The following ZNF84 variants were observed in gnomAD, a reference collection of about 807,000 sequenced individuals.
The protein encoded by ZNF84 is zinc finger protein 84, also known as zinc finger protein HPF2.
ZNF84 carries 12 observed loss-of-function variants against 14.8 expected under a neutral mutation model. The ratio of observed to expected loss-of-function variants is 0.81; its 90% CI spans 0.52 to 1.31. The LOEUF is 1.31. Ranked by LOEUF, ZNF84 falls within the 50% of genes most tolerant of loss-of-function variation. The pLI is 0.00. For synonymous variants in ZNF84, 347 were observed against 291.1 expected (o/e 1.19, Z -1.96); for missense variants, 859 against 878.6 (o/e 0.98, Z 0.28).
In ZNF84 at chr12:133,038,031, T is replaced by A. The variant is rs1475878360; in HGVS notation, c.-191+486T>A. Reference sequence around the variant, plus strand: ...GGTTATATTTATTGACTGTTTTAAATTTTTTAAGTGACTTTTGCTTTTGGT... The same window carrying A: ...GGTTATATTTATTGACTGTTTTAAAATTTTTAAGTGACTTTTGCTTTTGGT... On this transcript the variant is annotated intron_variant, in intron 1 of 4. Transcript: ENST00000539354. The A allele has an allele frequency of 5.9e-5, 9 of 152,362 alleles. No individual in the cohort carries two copies. The East Asian group carries it at 1.3e-3, about 23-fold the overall frequency. 9.4% of individuals were successfully genotyped at this position (152,362 alleles called of 1,614,324 possible). A position where few individuals can be genotyped will look rare whatever the true frequency, so the allele number is the denominator to read the frequency against.
Position 133,048,852 on chromosome 12 carries a change from A to T in ZNF84, c.238+4A>T, listed in dbSNP as rs372264229. On this transcript the variant is annotated splice_donor_region_variant and intron_variant, in intron 4 of 4. Transcript: ENST00000539354. ...ATTCCAAGTTCAGATTCTCCAGGTG[A>T]GTGTATGAGAACCAGGCAGATGGGA... The T allele has an allele frequency of 1.9e-6, 3 of 1,610,426 alleles. No individual in the cohort carries two copies. Among genetic ancestry groups the T allele is most frequent in the Non-Finnish European group, 8.5e-7 (1 of 1,177,352 alleles).
At chr12:133,039,609 T>C (rs2137317091) in intron 1 of ZNF84, among the ~76,000 whole-genome samples, 1 of 152,346 alleles carries the variant, frequency 6.6e-6, no homozygotes, top group South Asian at 2.1e-4. Flanking sequence ...CTTAGTATAT[T>C]GTCTCACATA....
chr12:133,060,509 C>T lies in ZNF84; in HGVS notation c.*1577C>T, dbSNP rs1954242590. ...ACCAAACATCATAGCTTAGCGTAGC[C>T]TACCTTAAACATTCTCAGAACACAT... On this transcript the variant is annotated 3_prime_UTR_variant, in exon 5 of 5. Transcript: ENST00000539354. 1 of 152,300 alleles carries T rather than the reference C, an allele frequency of 6.6e-6. No individual in the cohort carries two copies. Among genetic ancestry groups the T allele is most frequent in the Admixed American group, 6.5e-5 (1 of 15,302 alleles). 9.4% of individuals were successfully genotyped at this position (152,300 alleles called of 1,614,324 possible).
intron 2 of ZNF84, among the ~76,000 whole-genome samples, chr12:133,044,500 A>C (rs1210688639): frequency 6.6e-6 from 1 of 152,206 alleles, no homozygotes; most frequent in African/African-American, 2.4e-5. Flanking sequence ...CTAAAACTAC[A>C]TAGATCTTGC....
In ZNF84 at chr12:133,046,406, G is replaced by C. The variant is rs12810033; in HGVS notation, c.16-1549G>C. Among the ~76,000 whole-genome samples, 15 of 121,956 alleles carry C rather than the reference G, an allele frequency of 1.2e-4. 1 individual carries two copies. Among genetic ancestry groups the C allele is most frequent in the East Asian group, 2.4e-4 (1 of 4,220 alleles). 80.0% of individuals were successfully genotyped at this position (121,956 alleles called of 152,430 possible). A position where few individuals can be genotyped will look rare whatever the true frequency, so the allele number is the denominator to read the frequency against. ...TTTAAATCAGAGCTGCTGCCTCCCA[G>C]AATGTCTTTGCATCCTCTTTTTTTT... On this transcript the variant is annotated intron_variant, in intron 2 of 4. Coordinates refer to ENST00000539354, the MANE Select transcript of ZNF84 (RefSeq NM_001289971.2).
At chr12:133,041,762 G>A (rs1390115753) in intron 2 of ZNF84, among the ~76,000 whole-genome samples, 7 of 152,176 alleles carry the variant, frequency 4.6e-5, no homozygotes, top group Non-Finnish European at 1.0e-4. Context: ...TCGTAATAGA[G>A]AAATGTGAGC....
Position 133,063,048 on chromosome 12 carries a change from C to A in ZNF84, c.*4116C>A, listed in dbSNP as rs1954290765. The A allele has an allele frequency of 1.4e-6, 1 of 694,944 alleles. No homozygotes were observed. The highest frequency in any genetic ancestry group is 2.6e-6 in the Non-Finnish European group (1 of 379,760). 43.0% of individuals were successfully genotyped at this position (694,944 alleles called of 1,614,324 possible). On this transcript the variant is annotated 3_prime_UTR_variant, in exon 5 of 5. Coordinates refer to ENST00000539354, the MANE Select transcript of ZNF84 (RefSeq NM_001289971.2). ...ATCTTTTTTGTCTGTGTAATTTTTG[C>A]ATCACAAGCTATATTTAAATGTGGG...
chr12:133,044,259 C>G (rs897216300), intron 2 of ZNF84, among the ~76,000 whole-genome samples: 12 of 152,248 alleles, frequency 7.9e-5, no homozygotes, highest in African/African-American at 2.6e-4. Context: ...TGCCTCCCAC[C>G]TCAGCCTCCC....
intron 4 of ZNF84, 115 bp from the exon 5 acceptor site, chr12:133,056,839 C>T (rs1027315753): frequency 4.5e-5 from 35 of 780,816 alleles, no homozygotes; most frequent in Admixed American, 1.3e-4. Context: ...ATTTCAGACT[C>T]GGAAACTAAG....
At chr12:133,042,544 C>T (rs1953905169) in intron 2 of ZNF84, among the ~76,000 whole-genome samples, 1 of 152,176 alleles carries the variant, frequency 6.6e-6, no homozygotes, top group Middle Eastern at 3.4e-3. Flanking sequence ...AGGAAAAAAG[C>T]GTAGGCTTTA....
chr12:133,050,714 T>A, intron 4 of ZNF84: 1 of 395,192 alleles, frequency 2.5e-6, no homozygotes, highest in Non-Finnish European at 4.5e-6. Context: ...ACTGCATTCA[T>A]ATTTATGAAA....
In ZNF84 at chr12:133,063,168, C is replaced by T. The variant is rs1954293772; in HGVS notation, c.*4236C>T. ...GATGAAAGCAAAATCAAGAAAGAGT[C>T]CCGATTGTGTTCCAGTACCTGGTTC... On this transcript the variant is annotated 3_prime_UTR_variant, in exon 5 of 5. Transcript: ENST00000539354. The T allele has an allele frequency of 1.4e-6, 1 of 702,282 alleles. No homozygotes were observed. Among genetic ancestry groups the T allele is most frequent in the Non-Finnish European group, 2.6e-6 (1 of 384,818 alleles). The allele number at this position is 702,282 out of a possible 1,614,324, so 43.5% of individuals were successfully genotyped here.
rs1954288699 is a variant in ZNF84, at chr12:133,062,956, C to T, written c.*4024C>T. The T allele has an allele frequency of 1.1e-5, 7 of 619,952 alleles. No homozygotes were observed. Among genetic ancestry groups the T allele is most frequent in the East Asian group, 2.7e-5 (1 of 36,682 alleles). The allele number at this position is 619,952 out of a possible 1,614,324, so 38.4% of individuals were successfully genotyped here. Reference sequence around the variant, plus strand: ...TATATGAACCTGTACGTGTGTTTCTCACTGTGATAATATAATCATTGCATG... The same window carrying T: ...TATATGAACCTGTACGTGTGTTTCTTACTGTGATAATATAATCATTGCATG... On this transcript the variant is annotated 3_prime_UTR_variant, in exon 5 of 5. Coordinates refer to ENST00000539354, the MANE Select transcript of ZNF84 (RefSeq NM_001289971.2).
At chr12:133,041,156 T>G in intron 1 of ZNF84, 122 bp from the exon 2 acceptor site, 1 of 372,310 alleles carries the variant, frequency 2.7e-6, no homozygotes, top group Admixed American at 4.4e-5. Flanking sequence ...AGAGTGCTGT[T>G]TCAGTTATAT....
intron 3 of ZNF84, 72 bp from the exon 4 acceptor site, chr12:133,048,681 C>A: frequency 8.6e-7 from 1 of 1,163,206 alleles, no homozygotes. Flanking sequence ...TGATGTGAAA[C>A]CTTGCTCAAC....
rs1954290829 is a variant in ZNF84 at position 133,063,049 on chromosome 12, A to G, written c.*4117A>G. The G allele has an allele frequency of 2.9e-6, 2 of 695,624 alleles. No individual in the cohort carries two copies. The highest frequency in any genetic ancestry group is 1.8e-5 in the African/African-American group (1 of 56,978). The allele number at this position is 695,624 out of a possible 1,614,324, so 43.1% of individuals were successfully genotyped here. A position where few individuals can be genotyped will look rare whatever the true frequency, so the allele number is the denominator to read the frequency against. On this transcript the variant is annotated 3_prime_UTR_variant, in exon 5 of 5. Coordinates refer to ENST00000539354, the MANE Select transcript of ZNF84 (RefSeq NM_001289971.2). ...TCTTTTTTGTCTGTGTAATTTTTGC[A>G]TCACAAGCTATATTTAAATGTGGGT...
rs1483478432 is a variant in ZNF84, at chr12:133,059,621, T to C, written c.*689T>C. ...CATCTAAGACATTTCTTAGTGGTATTTGTGGCTTATCTTCTAGTGTCACGT... is the reference window on the plus strand; with the variant it reads ...CATCTAAGACATTTCTTAGTGGTATCTGTGGCTTATCTTCTAGTGTCACGT... On this transcript the variant is annotated 3_prime_UTR_variant, in exon 5 of 5. Coordinates refer to ENST00000539354, the MANE Select transcript of ZNF84 (RefSeq NM_001289971.2). The C allele has an allele frequency of 1.3e-5, 2 of 152,230 alleles. No homozygotes were observed. The highest frequency in any genetic ancestry group is 2.4e-5 in the African/African-American group (1 of 41,452). 9.4% of individuals were successfully genotyped at this position (152,230 alleles called of 1,614,324 possible). A position where few individuals can be genotyped will look rare whatever the true frequency, so the allele number is the denominator to read the frequency against.
Position 133,058,092 on chromosome 12 carries a change from T to C in ZNF84, c.1377T>C (p.Phe459=), listed in dbSNP as rs200987966. 1.9e-6 allele frequency: 3 copies of C among 1,613,782 alleles called. No homozygotes were observed. The highest frequency in any genetic ancestry group is 2.2e-5 in the South Asian group (2 of 91,076). ...HQMTHTGEKP[F]ICSKCGKAFS... is the part of the protein sequence containing the mutation. The stretch of plus-strand genomic sequence containing the variant: ...TGACACACACAGGAGAAAAACCCTT[T>C]ATATGCAGTAAATGTGGGAAAGCCT... Residue 459 remains phenylalanine, a synonymous_variant, in exon 5 of 5, where the codon TTT becomes TTC. Transcript: ENST00000539354.
At position 133,062,599 on chromosome 12, in the gene ZNF84, T is replaced by A. The variant is rs1267110940; in HGVS notation, c.*3667T>A. ...ACCATAACCCTTGCAGATGCATGCA[T>A]GTTTTCTGCACCTTGCTATCATTTT... On this transcript the variant is annotated 3_prime_UTR_variant, in exon 5 of 5. Transcript: ENST00000539354. The A allele has an allele frequency of 6.0e-6, 1 of 166,392 alleles. No homozygotes were observed. Among genetic ancestry groups the A allele is most frequent in the African/African-American group, 2.4e-5 (1 of 41,648 alleles). The allele number at this position is 166,392 out of a possible 1,614,324, so 10.3% of individuals were successfully genotyped here. A position where few individuals can be genotyped will look rare whatever the true frequency, so the allele number is the denominator to read the frequency against.
Sources: allele counts gnomAD v4.1 joint callset (sites outside exome capture counted in the v4.1 genomes callset), GRCh38; gene constraint gnomAD v4.1.1; transcripts MANE v1.5; gene names NCBI Gene and HGNC (gene_info 2026-07-23, HGNC 2026-07-21).